Variants in NRF1 observed in about 807,000 individuals in gnomAD.
NRF1 encodes the protein alpha palindromic-binding protein.
A neutral mutation model predicts 58.5 loss-of-function variants in NRF1; 5 were observed. That is an observed-to-expected ratio of 0.09 (90% CI 0.04 to 0.18). NRF1 has a LOEUF of 0.18. Among genes scored for constraint, NRF1 ranks in the 10% least tolerant of loss-of-function variants. The pLI is 1.00. For missense variants in NRF1, 288 were observed against 657.7 expected (o/e 0.44, Z 6.15); for synonymous variants, 224 against 246.7 (o/e 0.91, Z 0.86).
intron 1 of NRF1, among the ~76,000 whole-genome samples, chr7:129,625,937 C>T (rs533046208): frequency 8.5e-5 from 13 of 152,186 alleles, no homozygotes; most frequent in African/African-American, 2.9e-4. Context: ...CCGCCTTGGC[C>T]TCCCAAAGTG....
At chr7:129,711,756 C>T (rs931471018) in intron 8 of NRF1, among the ~76,000 whole-genome samples, 180 bp downstream of exon 8, 18 of 152,112 alleles carry the variant, frequency 1.2e-4, no homozygotes, top group African/African-American at 4.3e-4. Context: ...TTAATTGTAA[C>T]AATTAAGATT....
chr7:129,627,699 A>G (rs1800951584), intron 1 of NRF1, among the ~76,000 whole-genome samples: 1 of 152,206 alleles, frequency 6.6e-6, no homozygotes, highest in Non-Finnish European at 1.5e-5. Context: ...TTGTCCTTAT[A>G]GGCTGACTCA....
At chr7:129,742,039 T>C (rs1803857020) in intron 10 of NRF1, among the ~76,000 whole-genome samples, 1 of 152,174 alleles carries the variant, frequency 6.6e-6, no homozygotes, top group Non-Finnish European at 1.5e-5. Flanking sequence ...TGGCACCTGC[T>C]TCATTCAACA....
Position 129,692,345 on chromosome 7 carries a change from G to A in NRF1, c.606+1799G>A, listed in dbSNP as rs544552793. On this transcript the variant is annotated intron_variant, in intron 5 of 10. Transcript: ENST00000393232. ...GAGGATCCCTTGAGTCCAGGAGTTC[G>A]ATATCAGCCTGGGCAGCAGGCTGGT... Among the ~76,000 whole-genome samples, 9 of 152,182 alleles carry A rather than the reference G, an allele frequency of 5.9e-5. No homozygotes were observed. The East Asian group carries it at 1.4e-3, about 23-fold the overall frequency.
intron 9 of NRF1, among the ~76,000 whole-genome samples, chr7:129,720,358 T>C (rs1379605742): frequency 6.6e-6 from 1 of 152,204 alleles, no homozygotes; most frequent in Non-Finnish European, 1.5e-5. Context: ...GCCCTTAACA[T>C]TCGCTTCTTT....
intron 8 of NRF1, among the ~76,000 whole-genome samples, chr7:129,713,464 AT>A (rs1388754548): frequency 2.0e-5 from 3 of 152,180 alleles, no homozygotes; most frequent in Non-Finnish European, 4.4e-5. Flanking sequence ...ACAGTTTTGA[AT>A]TGCATAACTC....
At chr7:129,704,262 ATCC>A (rs1232431316) in intron 5 of NRF1, among the ~76,000 whole-genome samples, 1 of 151,912 alleles carries the variant, frequency 6.6e-6, no homozygotes, top group Non-Finnish European at 1.5e-5. Flanking sequence ...TTTATTTCTC[ATCC>A]TCAACCTTGT....
intron 4 of NRF1, among the ~76,000 whole-genome samples, chr7:129,688,704 CAA>C (rs1802497784): frequency 4.0e-5 from 6 of 151,758 alleles, no homozygotes; most frequent in East Asian, 1.9e-4. Context: ...GAGAGAGAGA[CAA>C]AGAGAGACAG....
intron 5 of NRF1, among the ~76,000 whole-genome samples, chr7:129,699,997 C>T (rs1013115672): frequency 5.9e-5 from 9 of 151,322 alleles, no homozygotes; most frequent in African/African-American, 1.9e-4. Flanking sequence ...AAAATTTAGC[C>T]GGGCATGGTG....
At chr7:129,656,546 GCA>G (rs1801660099) in intron 1 of NRF1, among the ~76,000 whole-genome samples, 1 of 151,948 alleles carries the variant, frequency 6.6e-6, no homozygotes, top group Non-Finnish European at 1.5e-5. Context: ...TTTACAAGAA[GCA>G]CAGTTTTTTG....
intron 10 of NRF1, among the ~76,000 whole-genome samples, chr7:129,736,325 A>G (rs1459792730): frequency 1.5e-5 from 2 of 133,864 alleles, no homozygotes; most frequent in African/African-American, 5.7e-5. Context: ...TGTCTTGCCC[A>G]GGCTGGAGTG....
In NRF1 at chr7:129,741,167, A is replaced by G. The variant is rs938552219; in HGVS notation, c.1348+13802A>G. ...GCTTGGGGAAACTCAATGAGCCAGC[A>G]CACCATCCTATGAACAGAACACCAA... On this transcript the variant is annotated intron_variant, in intron 10 of 10. Coordinates refer to ENST00000393232, the MANE Select transcript of NRF1 (RefSeq NM_005011.5). This position sits in a 1 kb window ranked among gnomAD's most constrained non-coding sequence, Gnocchi z 4.0. Among the ~76,000 whole-genome samples, 5 of 152,164 alleles carry G rather than the reference A, an allele frequency of 3.3e-5. No individual in the cohort carries two copies. The highest frequency in any genetic ancestry group is 1.2e-4 in the African/African-American group (5 of 41,438).
chr7:129,700,723 A>T (rs934857872), intron 5 of NRF1, among the ~76,000 whole-genome samples: 3 of 152,086 alleles, frequency 2.0e-5, no homozygotes, highest in Non-Finnish European at 4.4e-5. Context: ...TTTTGAGACA[A>T]CCTGGGCAAC....
intron 9 of NRF1, among the ~76,000 whole-genome samples, chr7:129,720,637 T>C (rs1018770002): frequency 6.6e-6 from 1 of 152,134 alleles, no homozygotes; most frequent in African/African-American, 2.4e-5. Flanking sequence ...GGAAGCTACG[T>C]GCAATGGCAG....
At chr7:129,701,749 T>C (rs1802831022) in intron 5 of NRF1, among the ~76,000 whole-genome samples, 1 of 152,214 alleles carries the variant, frequency 6.6e-6, no homozygotes. Flanking sequence ...TAAATCCATA[T>C]ACCCTTTAAT....
intron 1 of NRF1, among the ~76,000 whole-genome samples, chr7:129,636,417 A>G (rs1266465757): frequency 6.6e-6 from 1 of 152,146 alleles, no homozygotes. Flanking sequence ...TATTTTTAGT[A>G]GAGATGGGGT....
intron 10 of NRF1, among the ~76,000 whole-genome samples, chr7:129,728,723 C>T (rs1241251969): frequency 6.6e-6 from 1 of 152,170 alleles, no homozygotes; most frequent in African/African-American, 2.4e-5. Context: ...AGAAGAATAA[C>T]ATAGGAAATG....
At chr7:129,727,743 A>G (rs1584677069) in intron 10 of NRF1, among the ~76,000 whole-genome samples, 1 of 152,174 alleles carries the variant, frequency 6.6e-6, no homozygotes, top group African/African-American at 2.4e-5. Context: ...CATGGGCAGG[A>G]CCATCATGGA....
intron 3 of NRF1, among the ~76,000 whole-genome samples, chr7:129,671,886 CTGA>C (rs142996356): frequency 1.3e-5 from 2 of 152,118 alleles, no homozygotes; most frequent in Non-Finnish European, 2.9e-5. Context: ...AATATGTCAG[CTGA>C]TGATAAGTGC....
Sources: gnomAD v4.1 joint callset for allele counts (sites outside exome capture counted in the v4.1 genomes callset) on GRCh38, gnomAD v4.1.1 for gene constraint, Gnocchi (gnomAD v3.1) non-coding constraint, MANE v1.5 for transcripts, NCBI Gene and HGNC (gene_info 2026-07-23, HGNC 2026-07-21) for gene names.